ARIH1: variants seen among roughly 807,000 people sequenced by gnomAD.
ARIH1 encodes ariadne RBR E3 ubiquitin protein ligase 1.
Under a neutral mutation model 85.0 loss-of-function variants are expected in ARIH1, and 8 were observed. The observed-to-expected ratio is 0.09, with a 90% CI of 0.06 to 0.17. The LOEUF is 0.17. Ranked by LOEUF, ARIH1 falls within the 10% of genes least tolerant of loss-of-function variation. The pLI is 1.00. For synonymous variants in ARIH1, 238 were observed against 253.6 expected (o/e 0.94, Z 0.59); for missense variants, 311 against 718.1 (o/e 0.43, Z 6.48).
intron 11 of ARIH1, among the ~76,000 whole-genome samples, chr15:72,576,987 T>C (rs2064274291): frequency 6.6e-6 from 1 of 152,026 alleles, no homozygotes; most frequent in Non-Finnish European, 1.5e-5. Context: ...GTGCTTTTTT[T>C]TTTTTCTTTT....
rs2064349985 is a variant in ARIH1, at chr15:72,593,277, T to C, written c.*9985T>C. 1 of 152,178 alleles carries C rather than the reference T, an allele frequency of 6.6e-6. No homozygotes were observed. The highest frequency in any genetic ancestry group is 1.5e-5 in the Non-Finnish European group (1 of 68,028). 9.4% of individuals were successfully genotyped at this position (152,178 alleles called of 1,614,324 possible). ...TTTATTGTAGGTGTTATTCTTTGTA[T>C]TTTGAATATAAATCCTTTGATAGAT... On this transcript the variant is annotated 3_prime_UTR_variant, in exon 14 of 14. Transcript: ENST00000379887.
intron 1 of ARIH1, among the ~76,000 whole-genome samples, chr15:72,514,773 A>T (rs2063967090): frequency 1.3e-5 from 2 of 152,054 alleles, no homozygotes. Flanking sequence ...TGGGAGGCCA[A>T]GGTGGGTGGA....
chr15:72,500,342 C>T (rs1386752648), intron 1 of ARIH1, among the ~76,000 whole-genome samples: 1 of 152,178 alleles, frequency 6.6e-6, no homozygotes, highest in Non-Finnish European at 1.5e-5. Context: ...ATCTGCCCGC[C>T]TCGGCCTCCC....
At chr15:72,498,808 C>A (rs1448180266) in intron 1 of ARIH1, among the ~76,000 whole-genome samples, 1 of 150,906 alleles carries the variant, frequency 6.6e-6, no homozygotes, top group South Asian at 2.1e-4. Context: ...CCACTGCATT[C>A]CAGCCTGGGC....
chr15:72,542,724 CAT>C (rs1385494741), intron 2 of ARIH1, among the ~76,000 whole-genome samples: 3 of 152,100 alleles, frequency 2.0e-5, no homozygotes, highest in Non-Finnish European at 4.4e-5. Context: ...GCTGTATACT[CAT>C]AGAATGCTGT....
At chr15:72,528,727 C>T (rs931769666) in intron 2 of ARIH1, among the ~76,000 whole-genome samples, 7 of 152,072 alleles carry the variant, frequency 4.6e-5, no homozygotes, top group African/African-American at 1.2e-4. Flanking sequence ...TGGTGATGCA[C>T]ACCTATAGTC....
chr15:72,523,728 A>G (rs1203300883), intron 2 of ARIH1, among the ~76,000 whole-genome samples: 2 of 151,960 alleles, frequency 1.3e-5, no homozygotes, highest in African/African-American at 4.8e-5. Flanking sequence ...GGCTATGGGT[A>G]TGTATTAGGA....
chr15:72,522,710 A>C (rs192433267), intron 2 of ARIH1, among the ~76,000 whole-genome samples: 39 of 107,602 alleles, frequency 3.6e-4, no homozygotes, highest in African/African-American at 9.9e-4. Context: ...ATTTTCTGGA[A>C]GATAAGCTAC....
At chr15:72,475,461 G>T (rs1473484528) in intron 1 of ARIH1, among the ~76,000 whole-genome samples, 1 of 152,224 alleles carries the variant, frequency 6.6e-6, no homozygotes, top group East Asian at 1.9e-4. Flanking sequence ...GTAGGCCTAA[G>T]AGCAGCTTGG....
At chr15:72,546,592 C>T (rs1324705394) in intron 3 of ARIH1, among the ~76,000 whole-genome samples, 1 of 151,564 alleles carries the variant, frequency 6.6e-6, no homozygotes, top group Non-Finnish European at 1.5e-5. Context: ...AAGCGATCCT[C>T]CCACCTCAGC....
At chr15:72,499,715 A>G (rs1044110624) in intron 1 of ARIH1, among the ~76,000 whole-genome samples, 2 of 152,140 alleles carry the variant, frequency 1.3e-5, no homozygotes, top group East Asian at 1.9e-4. Flanking sequence ...GTTTGGGTTT[A>G]TTTATACTCC....
rs1217304041 is a variant in ARIH1, at chr15:72,596,296, C to T, written c.*13004C>T. On this transcript the variant is annotated 3_prime_UTR_variant, in exon 14 of 14. Coordinates refer to ENST00000379887, the MANE Select transcript of ARIH1 (RefSeq NM_005744.5). Reference sequence around the variant, plus strand: ...AGAAGTTATTTTATTGTACTCAGGCCTCATTTGTTTCTGGTGAGAAGTCAT... The same window carrying T: ...AGAAGTTATTTTATTGTACTCAGGCTTCATTTGTTTCTGGTGAGAAGTCAT... The T allele has an allele frequency of 1.3e-5, 2 of 152,054 alleles. No individual in the cohort carries two copies. The highest frequency in any genetic ancestry group is 2.9e-5 in the Non-Finnish European group (2 of 68,016). 9.4% of individuals were successfully genotyped at this position (152,054 alleles called of 1,614,324 possible). A position where few individuals can be genotyped will look rare whatever the true frequency, so the allele number is the denominator to read the frequency against.
At chr15:72,575,926 C>G (rs976372922) in intron 11 of ARIH1, among the ~76,000 whole-genome samples, 1 of 152,088 alleles carries the variant, frequency 6.6e-6, no homozygotes, top group African/African-American at 2.4e-5. Flanking sequence ...TCACTGTAGC[C>G]TTGAACTCCT....
rs970298489 is a variant in ARIH1, at chr15:72,599,139, C to T, written c.*15847C>T. ...CCTCTGCCTCGTGATTCTCGTGACTCAGCCTCCTGAGTAGCTGGGATTACA... is the reference window on the plus strand; with the variant it reads ...CCTCTGCCTCGTGATTCTCGTGACTTAGCCTCCTGAGTAGCTGGGATTACA... On this transcript the variant is annotated 3_prime_UTR_variant, in exon 14 of 14. Coordinates refer to ENST00000379887, the MANE Select transcript of ARIH1 (RefSeq NM_005744.5). 1.3e-4 allele frequency: 20 copies of T among 152,208 alleles called. No individual in the cohort carries two copies. The highest frequency in any genetic ancestry group is 4.8e-4 in the African/African-American group (20 of 41,438). 9.4% of individuals were successfully genotyped at this position (152,208 alleles called of 1,614,324 possible).
chr15:72,545,640 A>T (rs2064125569), intron 3 of ARIH1, among the ~76,000 whole-genome samples: 1 of 152,264 alleles, frequency 6.6e-6, no homozygotes, highest in Admixed American at 6.5e-5. Flanking sequence ...CAGCCTGGCC[A>T]ACATGGCGGA....
Position 72,497,985 on chromosome 15 carries a change from C to T in ARIH1, c.376-20082C>T, listed in dbSNP as rs924230620. ...ATAATATACCATAGTAGGGATGTTT[C>T]GAATCAATAGTGTTAAAATGTTTTG... On this transcript the variant is annotated intron_variant, in intron 1 of 13. Transcript: ENST00000379887. Among the ~76,000 whole-genome samples the T allele has an allele frequency of 2.6e-5, 4 of 152,010 alleles. No homozygotes were observed. In the South Asian group the frequency reaches 6.2e-4, roughly 24 times the overall value.
At chr15:72,479,306 C>T (rs527596736) in intron 1 of ARIH1, among the ~76,000 whole-genome samples, 6 of 151,960 alleles carry the variant, frequency 3.9e-5, no homozygotes, top group Admixed American at 2.0e-4. Flanking sequence ...GAGTGTGTGC[C>T]GAGAGGAATA....
intron 2 of ARIH1, among the ~76,000 whole-genome samples, chr15:72,519,475 G>GTGTTTTTTTTTTTTTTT (rs2063989343): frequency 1.6e-5 from 1 of 62,544 alleles, no homozygotes; most frequent in African/African-American, 6.5e-5. Flanking sequence ...TGTTTTTTTT[G>GTGTTTTTTTTTTTTTTT]TTTTTTTTTT....
chr15:72,518,057 C>A lies in ARIH1; in HGVS notation c.376-10C>A, dbSNP rs112643676. 1.9e-6 allele frequency: 3 copies of A among 1,601,710 alleles called. No individual in the cohort carries two copies. On this transcript the variant is annotated splice_polypyrimidine_tract_variant and intron_variant, in intron 1 of 13. Transcript: ENST00000379887. ...ACCTTAAAATGACTTTTTTTCCCCT[C>A]CTTCTTTAGAATCCAGCAACTATCA...
Sources: allele counts gnomAD v4.1 joint callset (sites outside exome capture counted in the v4.1 genomes callset), GRCh38; gene constraint gnomAD v4.1.1; transcripts MANE v1.5; gene names NCBI Gene and HGNC (gene_info 2026-07-23, HGNC 2026-07-21).